The following CEP128 variants were observed in gnomAD, a reference collection of about 807,000 sequenced individuals.
CEP128 encodes centrosomal protein 128kDa.
Under a neutral mutation model 156.7 loss-of-function variants are expected in CEP128, and 132 were observed. The ratio of observed to expected loss-of-function variants is 0.84; its 90% CI spans 0.73 to 0.97. The LOEUF is 0.97. Ranked by LOEUF, CEP128 falls within the 50% of genes least tolerant of loss-of-function variation. CEP128 has a pLI of 0.00. For synonymous variants in CEP128, 469 were observed against 448.9 expected (o/e 1.04, Z -0.57); for missense variants, 1,252 against 1,281.9 (o/e 0.98, Z 0.36).
intron 13 of CEP128, among the ~76,000 whole-genome samples, chr14:80,803,226 A>G (rs1313033110): frequency 6.6e-6 from 1 of 152,128 alleles, no homozygotes; most frequent in Non-Finnish European, 1.5e-5. Context: ...TTTGTGCTCT[A>G]TTTCAAATCT....
At chr14:80,681,940 T>C (rs1896340724) in intron 19 of CEP128, among the ~76,000 whole-genome samples, 1 of 151,944 alleles carries the variant, frequency 6.6e-6, no homozygotes, top group African/African-American at 2.4e-5. Flanking sequence ...CCTGTCTCTA[T>C]GAAAAAAATA....
At chr14:80,708,126 T>G (rs933377180) in intron 19 of CEP128, among the ~76,000 whole-genome samples, 1 of 152,176 alleles carries the variant, frequency 6.6e-6, no homozygotes, top group Admixed American at 6.6e-5. Flanking sequence ...ACGTCCCCTA[T>G]GGACATTTGG....
chr14:80,542,762 A>G lies in CEP128; in HGVS notation c.2881-11876T>C, dbSNP rs191825841. On this transcript the variant is annotated intron_variant, in intron 21 of 24. Coordinates refer to ENST00000555265, the MANE Select transcript of CEP128 (RefSeq NM_152446.5). Reference sequence around the variant, plus strand: ...GCCCCAAGTCCTCAAGACACCCTCAAGTAGGTAATCACATTTGTCTCTTCC... The same window carrying G: ...GCCCCAAGTCCTCAAGACACCCTCAGGTAGGTAATCACATTTGTCTCTTCC... Among the ~76,000 whole-genome samples the G allele has an allele frequency of 2.9e-3, 442 of 152,294 alleles. 1 individual carries two copies. Among genetic ancestry groups the G allele is most frequent in the Non-Finnish European group, 4.5e-3 (308 of 68,022 alleles).
chr14:80,519,540 T>A lies in CEP128; in HGVS notation c.3072+7329A>T, dbSNP rs149075023. 3.2e-3 allele frequency among the ~76,000 whole-genome samples: 482 copies of A among 152,374 alleles called. 2 individuals carry two copies. Among genetic ancestry groups the A allele is most frequent in the African/African-American group, 0.011 (470 of 41,592 alleles). ...TATTTTCCTGAATTTGTCTCTAGCC[T>A]AATAATGCACTGTCCTTCCATTTCT... On this transcript the variant is annotated intron_variant, in intron 23 of 24. Coordinates refer to ENST00000555265, the MANE Select transcript of CEP128 (RefSeq NM_152446.5).
intron 19 of CEP128, among the ~76,000 whole-genome samples, chr14:80,606,718 A>G (rs541499908): frequency 6.6e-6 from 1 of 152,222 alleles, no homozygotes; most frequent in East Asian, 1.9e-4. Flanking sequence ...CAAGTTTAGA[A>G]CAGACCTCAA....
rs1555390205 is a variant in CEP128 at position 80,678,049 on chromosome 14, A to AATATATATAT, written c.2806+65016_2806+65025dup. 6.1e-5 allele frequency among the ~76,000 whole-genome samples: 6 copies of AATATATATAT among 98,502 alleles called. 1 individual carries two copies. The highest frequency in any genetic ancestry group is 1.6e-4 in the African/African-American group (5 of 31,718). The allele number at this position is 98,502 out of a possible 152,430, so 64.6% of individuals were successfully genotyped here. On this transcript the variant is annotated intron_variant, in intron 19 of 24. Coordinates refer to ENST00000555265, the MANE Select transcript of CEP128 (RefSeq NM_152446.5). ...ATGGACAGTTGCTCTATAAAAAAAA[A>AATATATATAT]ATATATATATATATGTATATATATA...
chr14:80,642,760 C>CT lies in CEP128; in HGVS notation c.2807-62338dup, dbSNP rs879745503. Among the ~76,000 whole-genome samples the CT allele has an allele frequency of 3.6e-3, 528 of 145,250 alleles. 1 individual carries two copies. The highest frequency in any genetic ancestry group is 6.1e-3 in the African/African-American group (243 of 40,024). ...AAAAGTTATTAGAAAACTTGACCCC[C>CT]TTTTTTTTTTTTTGAGACAGAGTCT... On this transcript the variant is annotated intron_variant, in intron 19 of 24. Transcript: ENST00000555265.
intron 10 of CEP128, 27 bp downstream of exon 10, chr14:80,840,655 T>G (rs752554504): frequency 7.5e-6 from 11 of 1,466,614 alleles, no homozygotes; most frequent in Non-Finnish European, 1.0e-5. Flanking sequence ...CACTTTATTC[T>G]TTGAAAGATA....
intron 9 of CEP128, among the ~76,000 whole-genome samples, chr14:80,849,248 A>G (rs982795824): frequency 1.2e-4 from 18 of 152,224 alleles, no homozygotes; most frequent in Admixed American, 3.3e-4. Context: ...AAGAAACATT[A>G]TAAGATGAAC....
At chr14:80,651,629 T>C (rs1417036618) in intron 19 of CEP128, among the ~76,000 whole-genome samples, 3 of 152,218 alleles carry the variant, frequency 2.0e-5, no homozygotes, top group African/African-American at 7.2e-5. Flanking sequence ...TTTGTTCTCA[T>C]TGGTTTCAAA....
At chr14:80,717,064 G>C (rs1367746247) in intron 19 of CEP128, among the ~76,000 whole-genome samples, 3 of 151,906 alleles carry the variant, frequency 2.0e-5, no homozygotes, top group African/African-American at 4.8e-5. Context: ...TTTTTAATTG[G>C]GTTGTTTGTC....
At position 80,530,797 on chromosome 14, in the gene CEP128, A is replaced by T. The variant is rs374190483; in HGVS notation, c.2958+12T>A. The T allele has an allele frequency of 9.5e-6, 15 of 1,578,964 alleles. No individual in the cohort carries two copies. The African/African-American group carries it at 1.9e-4, about 20-fold the overall frequency. On this transcript the variant is annotated intron_variant, in intron 22 of 24. Coordinates refer to ENST00000555265, the MANE Select transcript of CEP128 (RefSeq NM_152446.5). ...ATAAAATACTGAAAGAGACAAGCCAACTCTTTCTCACTCTGAAGTCTTTGA... is the reference window on the plus strand; with the variant it reads ...ATAAAATACTGAAAGAGACAAGCCATCTCTTTCTCACTCTGAAGTCTTTGA...
intron 4 of CEP128, among the ~76,000 whole-genome samples, chr14:80,911,652 TCTAA>T (rs1262850740): frequency 6.6e-6 from 1 of 152,246 alleles, no homozygotes; most frequent in Non-Finnish European, 1.5e-5. Context: ...CAGATAACTT[TCTAA>T]CTTTCTTACA....
chr14:80,651,769 G>GTGGTA (rs1894914484), intron 19 of CEP128, among the ~76,000 whole-genome samples: 1 of 152,100 alleles, frequency 6.6e-6, no homozygotes. Flanking sequence ...TGATTGTACT[G>GTGGTA]TGGTATGAGA....
chr14:80,861,158 C>A (rs1026266666), intron 9 of CEP128, among the ~76,000 whole-genome samples: 2 of 151,998 alleles, frequency 1.3e-5, no homozygotes, highest in Non-Finnish European at 2.9e-5. Flanking sequence ...TTTTAAATCA[C>A]TATCTGGCAC....
At chr14:80,526,731 A>G (rs570726939) in intron 23 of CEP128, 138 bp downstream of exon 23, 2 of 512,186 alleles carry the variant, frequency 3.9e-6, no homozygotes, top group East Asian at 6.0e-5. Context: ...CACAGAATTG[A>G]AAGTCTATTT....
At chr14:80,615,924 A>C (rs1893192675) in intron 19 of CEP128, among the ~76,000 whole-genome samples, 1 of 152,234 alleles carries the variant, frequency 6.6e-6, no homozygotes, top group South Asian at 2.1e-4. Flanking sequence ...CCACCAGTGT[A>C]CAAGATTGAG....
At chr14:80,658,304 C>A (rs1377181675) in intron 19 of CEP128, among the ~76,000 whole-genome samples, 1 of 152,126 alleles carries the variant, frequency 6.6e-6, no homozygotes, top group Non-Finnish European at 1.5e-5. Context: ...CATCAACATT[C>A]TTTTGTTGCT....
chr14:80,842,253 T>G (rs562666582), intron 9 of CEP128, among the ~76,000 whole-genome samples: 1 of 152,172 alleles, frequency 6.6e-6, no homozygotes, highest in African/African-American at 2.4e-5. Flanking sequence ...ACTTAAATTC[T>G]ATTGTTTTCA....
Sources: allele counts gnomAD v4.1 joint callset (sites outside exome capture counted in the v4.1 genomes callset), GRCh38; gene constraint gnomAD v4.1.1; transcripts MANE v1.5; gene names NCBI Gene and HGNC (gene_info 2026-07-23, HGNC 2026-07-21).